The following DOCK1 variants were observed in gnomAD, a reference collection of about 807,000 sequenced individuals.
The protein encoded by DOCK1 is dedicator of cytokinesis protein 1.
Under a neutral mutation model 262.7 loss-of-function variants are expected in DOCK1, and 138 were observed. The observed-to-expected ratio is 0.53, with a 90% CI of 0.46 to 0.61. DOCK1 has a LOEUF of 0.61. DOCK1 is among the 20% of genes least tolerant of loss of function. DOCK1 has a pLI of 0.00. For missense variants in DOCK1, 1,908 were observed against 2,370.7 expected (o/e 0.80, Z 4.05); for synonymous variants, 866 against 867.4 (o/e 1.00, Z 0.03).
At chr10:127,286,962 A>C (rs10829697) in intron 29 of DOCK1, among the ~76,000 whole-genome samples, 1 of 147,028 alleles carries the variant, frequency 6.8e-6, no homozygotes, top group Non-Finnish European at 1.5e-5. Context: ...TGCAAGTTCC[A>C]CCTCCTGGGT....
At chr10:127,000,427 A>G in intron 10 of DOCK1, 120 bp downstream of exon 10, 1 of 1,376,046 alleles carries the variant, frequency 7.3e-7, no homozygotes, top group Non-Finnish European at 9.7e-7. Context: ...TTTCTGCTGG[A>G]GAGAAAAAAT....
intron 23 of DOCK1, among the ~76,000 whole-genome samples, chr10:127,078,437 C>A (rs867215983): frequency 2.0e-5 from 3 of 152,134 alleles, no homozygotes; most frequent in Non-Finnish European, 2.9e-5. Flanking sequence ...ACCTCCTTTC[C>A]ACTCAGCTGC....
chr10:127,411,006 C>T, intron 43 of DOCK1, 82 bp downstream of exon 43: 1 of 1,392,020 alleles, frequency 7.2e-7, no homozygotes, highest in South Asian at 1.3e-5. Context: ...AGAAGCGTGG[C>T]CTCAGAGGCA....
chr10:127,299,862 T>C (rs1045649516), intron 29 of DOCK1, among the ~76,000 whole-genome samples: 1 of 152,188 alleles, frequency 6.6e-6, no homozygotes, highest in Non-Finnish European at 1.5e-5. Flanking sequence ...CTCAACCTAG[T>C]GAAATCAAAC....
At chr10:127,239,335 A>G (rs1283601395) in intron 27 of DOCK1, among the ~76,000 whole-genome samples, 1 of 152,222 alleles carries the variant, frequency 6.6e-6, no homozygotes, top group East Asian at 1.9e-4. Context: ...TTTATTTACT[A>G]TAATCTCATA....
chr10:127,325,046 C>T (rs1219841004), intron 29 of DOCK1, among the ~76,000 whole-genome samples: 1 of 152,138 alleles, frequency 6.6e-6, no homozygotes, highest in African/African-American at 2.4e-5. Context: ...GGGAGAGTCC[C>T]TGAAACATTT....
chr10:127,176,245 C>T lies in DOCK1; in HGVS notation c.2847+48481C>T. 6.2e-7 allele frequency: 1 copy of T among 1,614,146 alleles called. No individual in the cohort carries two copies. Among genetic ancestry groups the T allele is most frequent in the Non-Finnish European group, 8.5e-7 (1 of 1,180,038 alleles). Reference sequence around the variant, plus strand: ...TGCTCATTCTGTGCCTCGCAGATATCCTTAAACCGCACCTGCAGGGCTTTG... The same window carrying T: ...TGCTCATTCTGTGCCTCGCAGATATTCTTAAACCGCACCTGCAGGGCTTTG... On this transcript the variant is annotated intron_variant, in intron 27 of 51. Transcript: ENST00000623213. This position sits in a 1 kb window ranked among gnomAD's most constrained non-coding sequence, Gnocchi z 4.4.
At chr10:127,266,753 T>C (rs1217292721) in intron 29 of DOCK1, among the ~76,000 whole-genome samples, 1 of 152,138 alleles carries the variant, frequency 6.6e-6, no homozygotes, top group African/African-American at 2.4e-5. Flanking sequence ...GGAATGAAGA[T>C]TTCCCTAGAG....
chr10:127,388,834 C>A (rs916262266), intron 38 of DOCK1, among the ~76,000 whole-genome samples: 1 of 151,182 alleles, frequency 6.6e-6, no homozygotes, highest in Non-Finnish European at 1.5e-5. Flanking sequence ...TGAGTGTGAG[C>A]GGCACCCACG....
intron 25 of DOCK1, 131 bp from the exon 26 acceptor site, chr10:127,125,343 C>T (rs1348190395): frequency 8.0e-7 from 1 of 1,256,786 alleles, no homozygotes; most frequent in South Asian, 1.4e-5. Flanking sequence ...AATTGACCCC[C>T]CTCCAGATGT....
intron 27 of DOCK1, among the ~76,000 whole-genome samples, chr10:127,220,141 C>G (rs188714647): frequency 9.9e-5 from 15 of 151,874 alleles, no homozygotes; most frequent in Admixed American, 8.5e-4. Context: ...ACTTTTGCAT[C>G]CTAGATTGAC....
chr10:127,388,592 A>G (rs1165730469), intron 38 of DOCK1, among the ~76,000 whole-genome samples: 3 of 152,208 alleles, frequency 2.0e-5, no homozygotes, highest in Admixed American at 6.5e-5. Context: ...CCGAATCTCC[A>G]TGGCTCCAAA....
At chr10:127,121,573 C>A (rs1253559281) in intron 25 of DOCK1, among the ~76,000 whole-genome samples, 1 of 151,794 alleles carries the variant, frequency 6.6e-6, no homozygotes, top group Non-Finnish European at 1.5e-5. Context: ...AAGAGTCTTA[C>A]TGTTACTTAA....
intron 1 of DOCK1, among the ~76,000 whole-genome samples, chr10:126,933,315 GCTGTTA>G (rs1242047564): frequency 6.6e-6 from 1 of 152,224 alleles, no homozygotes; most frequent in Non-Finnish European, 1.5e-5. Flanking sequence ...GTTGGGTGAA[GCTGTTA>G]CTGTAAGTGC....
intron 38 of DOCK1, among the ~76,000 whole-genome samples, chr10:127,401,597 C>T (rs772310890): frequency 1.3e-5 from 2 of 152,152 alleles, no homozygotes; most frequent in Non-Finnish European, 1.5e-5. Flanking sequence ...AATTCACATG[C>T]TTGGGCCCAC....
intron 27 of DOCK1, among the ~76,000 whole-genome samples, chr10:127,162,220 T>C (rs546608355): frequency 2.0e-5 from 3 of 152,208 alleles, no homozygotes; most frequent in Non-Finnish European, 4.4e-5. Flanking sequence ...CAAATACTTC[T>C]TTTTCAGACA....
intron 23 of DOCK1, among the ~76,000 whole-genome samples, chr10:127,075,849 TC>T (rs1382618649): frequency 1.3e-5 from 2 of 152,142 alleles, no homozygotes; most frequent in African/African-American, 4.8e-5. Context: ...ACCATATCAC[TC>T]CATGTTGCCC....
At position 127,026,352 on chromosome 10, in the gene DOCK1, G is replaced by A. The variant is rs1179750735; in HGVS notation, c.1552G>A (p.Val518Met). The change falls in exon 16 of 52, where the codon GTG becomes ATG. Residue 518 changes from valine (V) to methionine (M), a missense_variant and splice_region_variant. Physicochemically the swap from Val to Met is conservative, Grantham distance 21. This residue lies in a region of DOCK1 where 294 missense variants were observed against 439.9 expected (regional missense o/e 0.67). Coordinates refer to ENST00000623213, the MANE Select transcript of DOCK1 (RefSeq NM_001290223.2). ...KQPRWFETVKVAIPIEDVNRS... is the reference protein window; with the variant it reads ...KQPRWFETVKMAIPIEDVNRS... The stretch of plus-strand genomic sequence containing the variant: ...TAAACTTCTTTTTCAATTCTTGAAG[G>A]TGGCCATTCCCATCGAGGACGTTAA... 5.8e-6 allele frequency: 9 copies of A among 1,563,488 alleles called. No homozygotes were observed. Among genetic ancestry groups the A allele is most frequent in the Non-Finnish European group, 6.9e-6 (8 of 1,152,560 alleles).
At chr10:127,111,083 T>C (rs2048836388) in intron 25 of DOCK1, among the ~76,000 whole-genome samples, 1 of 152,204 alleles carries the variant, frequency 6.6e-6, no homozygotes, top group South Asian at 2.1e-4. Context: ...TCATTTTCTG[T>C]TGTCCTCATT....
Sources: gnomAD v4.1 joint callset for allele counts (sites outside exome capture counted in the v4.1 genomes callset) on GRCh38, gnomAD v4.1.1 for gene constraint, gnomAD v4.1.1 regional missense constraint, Gnocchi (gnomAD v3.1) non-coding constraint, MANE v1.5 for transcripts, NCBI Gene and HGNC (gene_info 2026-07-23, HGNC 2026-07-21) for gene names.